Variants in CYP20A1 observed in about 807,000 individuals in gnomAD.
CYP20A1 encodes cytochrome P450 family 20 subfamily A member 1, also known as cytochrome P450 20A1.
CYP20A1 carries 61 observed loss-of-function variants against 61.4 expected under a neutral mutation model. The observed-to-expected ratio is 0.99, with a 90% confidence interval of 0.81 to 1.23. The LOEUF (loss-of-function observed/expected upper bound fraction) is 1.23, where lower values mean the gene tolerates loss of function less well. Among genes scored for constraint, CYP20A1 ranks in the 50% most tolerant of loss-of-function variants. The probability of loss-of-function intolerance (pLI) is 0.00; values close to 1 mark genes in which losing one functional copy is unlikely to be tolerated. For missense variants in CYP20A1, 530 were observed against 542.4 expected (o/e 0.98, Z 0.23); for synonymous variants, 193 against 188.2 (o/e 1.03, Z -0.21).
At chr2:203,292,449 G>C (rs1020974618) in intron 11 of CYP20A1, 123 bp downstream of exon 11, 1 of 681,054 alleles carries the variant, frequency 1.5e-6, no homozygotes, top group Non-Finnish European at 2.6e-6. Flanking sequence ...AAGAAAACTA[G>C]TGAATCCCCT....
intron 11 of CYP20A1, among the ~76,000 whole-genome samples, chr2:203,296,197 G>A (rs1448364859): frequency 6.6e-6 from 1 of 152,132 alleles, no homozygotes; most frequent in Non-Finnish European, 1.5e-5. Flanking sequence ...CCAGGAGGTC[G>A]AGGCTGCAGT....
Position 203,296,860 on chromosome 2 carries a change from A to G in CYP20A1, c.1341A>G (p.Val447=). The change falls in exon 13 of 13, where the codon GTA becomes GTG. Residue 447 remains valine (V), a synonymous_variant. Transcript: ENST00000356079. The part of the protein sequence containing the change: ...GQVIETKYEL[V]TSSREEAWIT... The stretch of plus-strand genomic sequence containing the variant: ...TTATTGAAACAAAGTATGAACTGGT[A>G]ACATCATCAAGGGAAGAAGCTTGGA... 6.2e-7 allele frequency: 1 copy of G among 1,609,274 alleles called. No homozygotes were observed. Among genetic ancestry groups the G allele is most frequent in the Non-Finnish European group, 8.5e-7 (1 of 1,178,326 alleles).
intron 5 of CYP20A1, among the ~76,000 whole-genome samples, chr2:203,271,479 A>G (rs962331421): frequency 6.6e-6 from 1 of 152,166 alleles, no homozygotes. Context: ...TTTTTCAAAT[A>G]CAGTGTTTAG....
At chr2:203,239,217 C>G in intron 1 of CYP20A1, 83 bp downstream of exon 1, 1 of 1,224,992 alleles carries the variant, frequency 8.2e-7, no homozygotes, top group Admixed American at 1.8e-5. Flanking sequence ...CTGCCCGCTG[C>G]GGGCCGCAGG....
rs1479180815 is a variant in CYP20A1, at chr2:203,303,419, G to A, written c.*6511G>A. ...AAATGGTGTGCTATTCATAATTATTGCAAAAATAGGCCGGGCCTGTAATTC... is the reference window on the plus strand; with the variant it reads ...AAATGGTGTGCTATTCATAATTATTACAAAAATAGGCCGGGCCTGTAATTC... On this transcript the variant is annotated 3_prime_UTR_variant, in exon 13 of 13. Transcript: ENST00000356079. Among the ~76,000 whole-genome samples, 1 of 151,536 alleles carries A rather than the reference G, an allele frequency of 6.6e-6. No individual in the cohort carries two copies. Among genetic ancestry groups the A allele is most frequent in the African/African-American group, 2.4e-5 (1 of 41,296 alleles).
intron 11 of CYP20A1, among the ~76,000 whole-genome samples, chr2:203,293,246 C>T (rs1190555680): frequency 1.0e-4 from 12 of 118,540 alleles, no homozygotes; most frequent in Non-Finnish European, 1.5e-4. Context: ...GATGGAGTCT[C>T]GCTCTGTCGC....
chr2:203,287,240 G>C (rs13403693), intron 9 of CYP20A1, among the ~76,000 whole-genome samples: 1 of 97,282 alleles, frequency 1.0e-5, no homozygotes, highest in South Asian at 3.7e-4. Flanking sequence ...AAAAAAAAAA[G>C]AAAAGATAAC....
At chr2:203,288,556 T>C (rs2068397984) in intron 9 of CYP20A1, among the ~76,000 whole-genome samples, 1 of 152,230 alleles carries the variant, frequency 6.6e-6, no homozygotes, top group Non-Finnish European at 1.5e-5. Context: ...TCTTGTTTAT[T>C]GTTGTAGCTC....
intron 4 of CYP20A1, among the ~76,000 whole-genome samples, chr2:203,261,273 T>C (rs1356390575): frequency 2.0e-5 from 3 of 151,462 alleles, no homozygotes; most frequent in African/African-American, 7.3e-5. Flanking sequence ...AATATAGGAA[T>C]ACAGCTGGGC....
At position 203,251,813 on chromosome 2, in the gene CYP20A1, ATAT is replaced by A. The variant is rs1309916090; in HGVS notation, c.290-153_290-151del. Among the ~76,000 whole-genome samples the A allele has an allele frequency of 3.8e-5, 4 of 106,058 alleles. 1 individual carries two copies. The highest frequency in any genetic ancestry group is 1.2e-4 in the African/African-American group (4 of 32,884). The allele number at this position is 106,058 out of a possible 152,430, so 69.6% of individuals were successfully genotyped here. On this transcript the variant is annotated intron_variant, in intron 3 of 12. Coordinates refer to ENST00000356079, the MANE Select transcript of CYP20A1 (RefSeq NM_177538.3). ...TATGTGTATATATATATATATATAT[ATAT>A]AAAAAATAAAAAATAAAAACAAGGG...
intron 8 of CYP20A1, 56 bp downstream of exon 8, chr2:203,280,169 C>T: frequency 7.3e-7 from 1 of 1,374,558 alleles, no homozygotes; most frequent in Non-Finnish European, 1.0e-6. Flanking sequence ...AGGCTGAGCA[C>T]AGTGGCTCAC....
intron 4 of CYP20A1, among the ~76,000 whole-genome samples, chr2:203,264,019 T>A (rs2067237225): frequency 6.6e-6 from 1 of 152,082 alleles, no homozygotes; most frequent in Non-Finnish European, 1.5e-5. Flanking sequence ...TGTTTTTGTT[T>A]TAGAGACATT....
intron 5 of CYP20A1, among the ~76,000 whole-genome samples, chr2:203,270,126 A>G (rs2067502126): frequency 6.6e-6 from 1 of 151,856 alleles, no homozygotes; most frequent in Admixed American, 6.6e-5. Flanking sequence ...TGCATGTGGT[A>G]GTACATTCTT....
chr2:203,262,403 G>A (rs756001767), intron 4 of CYP20A1, among the ~76,000 whole-genome samples: 3 of 152,106 alleles, frequency 2.0e-5, no homozygotes, highest in African/African-American at 4.8e-5. Context: ...TTTATAGGTC[G>A]GGGCAATACA....
At chr2:203,270,081 A>T (rs1049301709) in intron 5 of CYP20A1, among the ~76,000 whole-genome samples, 2 of 151,586 alleles carry the variant, frequency 1.3e-5, no homozygotes, top group African/African-American at 4.8e-5. Context: ...ACAAAACCCC[A>T]TCTTTGCCAA....
chr2:203,251,817 A>ATATATGTGTATATATAT (rs34111991), intron 3 of CYP20A1, 150 bp from the exon 4 acceptor site: 9 of 95,302 alleles, frequency 9.4e-5, no homozygotes, highest in Non-Finnish European at 1.6e-4. Flanking sequence ...ATATATATAT[A>ATATATGTGTATATATAT]AAAAATAAAA....
At chr2:203,274,330 C>T (rs1347813584) in intron 6 of CYP20A1, among the ~76,000 whole-genome samples, 5 of 151,758 alleles carry the variant, frequency 3.3e-5, no homozygotes, top group African/African-American at 1.2e-4. Context: ...GGATTACAAG[C>T]GCCTGCCACC....
At position 203,264,307 on chromosome 2, in the gene CYP20A1, A is replaced by G. The variant is rs192260436; in HGVS notation, c.433-2207A>G. On this transcript the variant is annotated intron_variant, in intron 4 of 12. Coordinates refer to ENST00000356079, the MANE Select transcript of CYP20A1 (RefSeq NM_177538.3). Reference sequence around the variant, plus strand: ...TAGCCTCTGTCAGTTTTTGGTTTATATGTTTGGAAGTTAGGACATTGAATG... The same window carrying G: ...TAGCCTCTGTCAGTTTTTGGTTTATGTGTTTGGAAGTTAGGACATTGAATG... Among the ~76,000 whole-genome samples, 101 of 152,100 alleles carry G rather than the reference A, an allele frequency of 6.6e-4. 3 individuals are homozygous for G. Among genetic ancestry groups the G allele is most frequent in the African/African-American group, 2.3e-3 (95 of 41,448 alleles).
At position 203,266,572 on chromosome 2, in the gene CYP20A1, T is replaced by G. The variant is rs1348199539; in HGVS notation, c.491T>G (p.Leu164Arg). 1 of 1,613,960 alleles carries G rather than the reference T, an allele frequency of 6.2e-7. No homozygotes were observed. The change falls in exon 5 of 13, where the codon CTC becomes CGC. Residue 164 changes from leucine to arginine, a missense_variant. By Grantham distance (102) the Leu-to-Arg change is moderately radical. Coordinates refer to ENST00000356079, the MANE Select transcript of CYP20A1 (RefSeq NM_177538.3). ...LSYPETQHVPLSQHMLGFAMK... is the reference protein window; with the variant it reads ...LSYPETQHVPRSQHMLGFAMK... ...TACCCAGAGACCCAGCACGTGCCCC[T>G]CAGCCAGCATATGCTTGGTTTTGCT...
Sources: allele counts gnomAD v4.1 joint callset (sites outside exome capture counted in the v4.1 genomes callset), GRCh38; gene constraint gnomAD v4.1.1; transcripts MANE v1.5; gene names NCBI Gene and HGNC (gene_info 2026-07-23, HGNC 2026-07-21).